TCF4: variants seen among roughly 807,000 people sequenced by gnomAD.
The protein encoded by TCF4 is SL3-3 enhancer factor 2.
A neutral mutation model predicts 82.1 loss-of-function variants in TCF4; 3 were observed. The observed-to-expected ratio is 0.04, with a 90% CI of 0.02 to 0.09. The LOEUF is 0.09. Ranked by LOEUF, TCF4 falls within the 10% of genes least tolerant of loss-of-function variation. TCF4 has a pLI of 1.00. For synonymous variants in TCF4, 276 were observed against 309.6 expected (o/e 0.89, Z 1.14); for missense variants, 518 against 852.7 (o/e 0.61, Z 4.89).
intron 6 of TCF4, among the ~76,000 whole-genome samples, chr18:55,369,376 C>T (rs1369990241): frequency 6.6e-6 from 1 of 152,182 alleles, no homozygotes; most frequent in African/African-American, 2.4e-5. Flanking sequence ...TCCTTGGAGA[C>T]ACCAGACTGA....
intron 2 of TCF4, among the ~76,000 whole-genome samples, chr18:55,627,390 T>C (rs1227536008): frequency 1.3e-5 from 2 of 152,066 alleles, no homozygotes; most frequent in African/African-American, 4.8e-5. Context: ...AAAAGTCTCA[T>C]AGATGTCCCA....
At chr18:55,580,043 T>A (rs1194302315) in intron 3 of TCF4, among the ~76,000 whole-genome samples, 1 of 152,008 alleles carries the variant, frequency 6.6e-6, no homozygotes, top group Admixed American at 6.6e-5. Flanking sequence ...ATTACAATAG[T>A]AGGGTAAGGA....
chr18:55,632,318 A>G (rs557292956), intron 1 of TCF4, among the ~76,000 whole-genome samples: 2 of 152,194 alleles, frequency 1.3e-5, no homozygotes, highest in African/African-American at 2.4e-5. Flanking sequence ...GATTACAGGC[A>G]TGAACCACCG....
intron 6 of TCF4, among the ~76,000 whole-genome samples, chr18:55,390,307 AAAAG>A (rs1342450384): frequency 7.1e-6 from 1 of 140,762 alleles, no homozygotes; most frequent in South Asian, 2.2e-4. Flanking sequence ...AAAAAAAAAA[AAAAG>A]AAAGAAAGAA....
At chr18:55,617,174 C>T (rs140843508) in intron 2 of TCF4, among the ~76,000 whole-genome samples, 39 of 152,158 alleles carry the variant, frequency 2.6e-4, no homozygotes, top group Middle Eastern at 3.4e-3. Flanking sequence ...GCAGTTTTCT[C>T]GACATCATTT....
In TCF4 at chr18:55,275,694, A is replaced by G. The variant is rs756865002; in HGVS notation, c.714T>C (p.Tyr238=). The change falls in exon 10 of 20, where the codon TAT becomes TAC. Residue 238 remains tyrosine (Y), a synonymous_variant. Transcript: ENST00000354452. ...SSSSGMNQPG[Y]AGMLGNSSHI... ...GAGAAGAGTTGCCCAACATTCCTGC[A>G]TAGCCAGGCTGATTCATCCCACTGG... The G allele has an allele frequency of 1.9e-6, 3 of 1,613,954 alleles. No individual in the cohort carries two copies. In the South Asian group the frequency reaches 3.3e-5, roughly 18 times the overall value.
rs753423881 is a variant in TCF4 at position 55,464,142 on chromosome 18, G to A, written c.146-5C>T. The A allele has an allele frequency of 2.5e-6, 4 of 1,613,660 alleles. No homozygotes were observed. Among genetic ancestry groups the A allele is most frequent in the African/African-American group, 1.3e-5 (1 of 74,870 alleles). On this transcript the variant is annotated splice_region_variant and splice_polypyrimidine_tract_variant and intron_variant, in intron 3 of 19. Coordinates refer to ENST00000354452, the MANE Select transcript of TCF4 (RefSeq NM_001083962.2). ...AGCTACTTCTGTCTTCTACATCTAG[G>A]GACAAGAGAAAAGTTCTTTAGGCTT...
intron 8 of TCF4, among the ~76,000 whole-genome samples, chr18:55,307,444 G>A (rs534866392): frequency 1.2e-4 from 18 of 152,268 alleles, no homozygotes; most frequent in Admixed American, 2.0e-4. Flanking sequence ...AGCCATAAGG[G>A]TCAAATACTC....
intron 6 of TCF4, among the ~76,000 whole-genome samples, chr18:55,366,036 C>T (rs953273478): frequency 6.7e-6 from 1 of 149,374 alleles, no homozygotes; most frequent in Non-Finnish European, 1.5e-5. Flanking sequence ...ATATATAAGA[C>T]ATATATAGAC....
chr18:55,263,851 A>ACAT (rs1161719867), intron 11 of TCF4, among the ~76,000 whole-genome samples: 3 of 152,108 alleles, frequency 2.0e-5, no homozygotes, highest in Non-Finnish European at 2.9e-5. Context: ...CAAAAAGTTC[A>ACAT]GAGCTACATT....
chr18:55,363,583 C>T (rs1440397273), intron 6 of TCF4, among the ~76,000 whole-genome samples: 1 of 152,080 alleles, frequency 6.6e-6, no homozygotes, highest in African/African-American at 2.4e-5. Flanking sequence ...GCAGGTGGAT[C>T]ATTTGAGGTT....
rs2046536285 is a variant in TCF4 at position 55,225,973 on chromosome 18, A to T, written c.*2062T>A. The stretch of plus-strand genomic sequence containing the variant: ...TTTCAGAAATGAACATAAAATTCTG[A>T]TTCTTGTAGCTATTTCATTTAAATG... On this transcript the variant is annotated 3_prime_UTR_variant, in exon 20 of 20. Transcript: ENST00000354452. 6.6e-6 allele frequency: 1 copy of T among 152,536 alleles called. No individual in the cohort carries two copies. Among genetic ancestry groups the T allele is most frequent in the Non-Finnish European group, 1.5e-5 (1 of 67,996 alleles). 9.4% of individuals were successfully genotyped at this position (152,536 alleles called of 1,614,324 possible).
chr18:55,362,272 C>T (rs2085389883), intron 6 of TCF4, among the ~76,000 whole-genome samples: 1 of 150,374 alleles, frequency 6.7e-6, no homozygotes, highest in Non-Finnish European at 1.5e-5. Context: ...GTTATGATCG[C>T]ACCACTGCAC....
intron 3 of TCF4, among the ~76,000 whole-genome samples, chr18:55,572,625 A>G (rs1370199671): frequency 6.6e-6 from 1 of 152,248 alleles, no homozygotes; most frequent in African/African-American, 2.4e-5. Flanking sequence ...CCTAAAGTCC[A>G]CCAACAAAGA....
intron 3 of TCF4, among the ~76,000 whole-genome samples, chr18:55,554,975 C>T (rs890178785): frequency 6.6e-6 from 1 of 152,108 alleles, no homozygotes; most frequent in African/African-American, 2.4e-5. Flanking sequence ...TTATTCAATT[C>T]AAAAAATACT....
chr18:55,393,925 T>C (rs1161548209), intron 6 of TCF4, among the ~76,000 whole-genome samples: 1 of 152,154 alleles, frequency 6.6e-6, no homozygotes, highest in Non-Finnish European at 1.5e-5. Context: ...ACAGGTATAG[T>C]TTTCAATAAA....
At chr18:55,427,474 G>C (rs946685973) in intron 5 of TCF4, among the ~76,000 whole-genome samples, 2 of 152,154 alleles carry the variant, frequency 1.3e-5, no homozygotes, top group African/African-American at 4.8e-5. Context: ...TAGCAAAGTG[G>C]ATCTGAGAGT....
At chr18:55,536,817 T>A (rs1211667756) in intron 3 of TCF4, among the ~76,000 whole-genome samples, 1 of 152,208 alleles carries the variant, frequency 6.6e-6, no homozygotes, top group East Asian at 1.9e-4. Context: ...AAAGTATGTA[T>A]CTTCCATCAT....
intron 6 of TCF4, among the ~76,000 whole-genome samples, chr18:55,378,556 A>G (rs1603421731): frequency 6.6e-6 from 1 of 152,270 alleles, no homozygotes; most frequent in East Asian, 1.9e-4. Context: ...AAGTTTAAAT[A>G]CCTGCCCCAG....
Sources: allele counts gnomAD v4.1 joint callset (sites outside exome capture counted in the v4.1 genomes callset), GRCh38; gene constraint gnomAD v4.1.1; transcripts MANE v1.5; gene names NCBI Gene and HGNC (gene_info 2026-07-23, HGNC 2026-07-21).